The following ITPR2 variants were observed in gnomAD, a reference collection of about 807,000 sequenced individuals.
ITPR2 encodes inositol 1,4,5-trisphosphate-gated calcium channel ITPR2.
In ITPR2, 207 loss-of-function variants were observed where a neutral mutation model predicts 317.1. That is an observed-to-expected ratio of 0.65 (90% confidence interval 0.58 to 0.73). The LOEUF (loss-of-function observed/expected upper bound fraction) is 0.73, where lower values mean the gene tolerates loss of function less well. ITPR2 is among the 30% of genes least tolerant of loss of function. ITPR2 has a pLI of 0.00. For synonymous variants in ITPR2, 1,156 were observed against 1,149.1 expected (o/e 1.01, Z -0.12); for missense variants, 2,613 against 3,284.0 (o/e 0.80, Z 4.99).
rs115915503 is a variant in ITPR2 at position 26,478,554 on chromosome 12, C to T, written c.6124-1547G>A. Among the ~76,000 whole-genome samples the T allele has an allele frequency of 6.5e-3, 988 of 152,078 alleles. 18 individuals are homozygous for T. Among genetic ancestry groups the T allele is most frequent in the African/African-American group, 0.023 (944 of 41,484 alleles). ...CTTAAAAATACATCCAATTTCAGAA[C>T]GCTATTGGCAATATGGTATTTTTTC... is the stretch of plus-strand genomic sequence containing the variant. On this transcript the variant is annotated intron_variant, in intron 43 of 56. Coordinates refer to ENST00000381340, the MANE Select transcript of ITPR2 (RefSeq NM_002223.4).
intron 21 of ITPR2, among the ~76,000 whole-genome samples, chr12:26,652,600 A>G (rs1268903000): frequency 6.6e-6 from 1 of 151,964 alleles, no homozygotes; most frequent in Admixed American, 6.6e-5. Flanking sequence ...TTACAGCTGT[A>G]CCTCTCACTA....
chr12:26,720,552 G>C (rs1043980303), intron 5 of ITPR2, among the ~76,000 whole-genome samples: 1 of 152,148 alleles, frequency 6.6e-6, no homozygotes, highest in African/African-American at 2.4e-5. Flanking sequence ...TAGGGTTGTG[G>C]GTGTGCTTAT....
At chr12:26,687,402 C>A (rs1031647511) in intron 10 of ITPR2, among the ~76,000 whole-genome samples, 2 of 152,080 alleles carry the variant, frequency 1.3e-5, no homozygotes, top group Non-Finnish European at 2.9e-5. Context: ...TTTATTAAAA[C>A]AGGTGAAATC....
chr12:26,636,865 C>T (rs916338285), intron 21 of ITPR2, among the ~76,000 whole-genome samples: 4 of 152,144 alleles, frequency 2.6e-5, no homozygotes, highest in African/African-American at 9.7e-5. Flanking sequence ...GTGGCAGAGT[C>T]TCAAGTACAC....
chr12:26,508,856 G>A (rs1000005391), intron 37 of ITPR2, among the ~76,000 whole-genome samples: 21 of 152,076 alleles, frequency 1.4e-4, no homozygotes, highest in Admixed American at 1.3e-3. Context: ...AAAATTAAAC[G>A]TAGAGTTACC....
intron 45 of ITPR2, among the ~76,000 whole-genome samples, chr12:26,457,567 A>G (rs1404740131): frequency 1.3e-5 from 2 of 152,216 alleles, no homozygotes; most frequent in African/African-American, 4.8e-5. Flanking sequence ...CAGAAGCACG[A>G]AGAGTCAGAA....
chr12:26,563,815 C>A (rs1944879873), intron 34 of ITPR2, among the ~76,000 whole-genome samples: 1 of 152,152 alleles, frequency 6.6e-6, no homozygotes, highest in South Asian at 2.1e-4. Flanking sequence ...GTCATTTATA[C>A]AAGAATTCTA....
At chr12:26,767,911 T>A (rs766685103) in intron 2 of ITPR2, among the ~76,000 whole-genome samples, 2 of 152,232 alleles carry the variant, frequency 1.3e-5, no homozygotes, top group African/African-American at 2.4e-5. Context: ...TCCTGCTTTA[T>A]AAGCTGTGGT....
rs900348841 is a variant in ITPR2, at chr12:26,584,038, G to A, written c.4381-3883C>T. On this transcript the variant is annotated intron_variant, in intron 32 of 56. Transcript: ENST00000381340. ...AGAACAATGAATCAAACAGAACAACGTCCCTACTCTATTAGACCCTTTCTC... is the reference window on the plus strand; with the variant it reads ...AGAACAATGAATCAAACAGAACAACATCCCTACTCTATTAGACCCTTTCTC... 2.0e-5 allele frequency among the ~76,000 whole-genome samples: 3 copies of A among 152,140 alleles called. No individual in the cohort carries two copies. In the East Asian group the frequency reaches 5.8e-4, roughly 29 times the overall value.
rs1422087594 is a variant in ITPR2, at chr12:26,768,294, T to C, written c.163+21863A>G. Among the ~76,000 whole-genome samples the C allele has an allele frequency of 4.0e-5, 6 of 148,554 alleles. No individual in the cohort carries two copies. The East Asian group carries it at 9.9e-4, about 24-fold the overall frequency. On this transcript the variant is annotated intron_variant, in intron 2 of 56. Transcript: ENST00000381340. ...TCGGGGGAAGGGGGAGGGATAGCAGTGGGAGATATACCTAATGATAGATGA... is the reference window on the plus strand; with the variant it reads ...TCGGGGGAAGGGGGAGGGATAGCAGCGGGAGATATACCTAATGATAGATGA...
chr12:26,486,783 G>T, intron 40 of ITPR2: 1 of 601,904 alleles, frequency 1.7e-6, no homozygotes, highest in Non-Finnish European at 3.1e-6. Context: ...CATTTTCATG[G>T]TCACTTAAAA....
At chr12:26,428,130 C>A (rs1321114606) in intron 48 of ITPR2, 42 bp from the exon 49 acceptor site, 1 of 1,415,414 alleles carries the variant, frequency 7.1e-7, no homozygotes, top group South Asian at 1.5e-5. Flanking sequence ...AAGAATAAAA[C>A]TAAAAAATGC....
chr12:26,598,453 A>C (rs1325961658), intron 30 of ITPR2, among the ~76,000 whole-genome samples: 1 of 152,220 alleles, frequency 6.6e-6, no homozygotes, highest in African/African-American at 2.4e-5. Context: ...ATGGGCCACT[A>C]GAGAACCATT....
chr12:26,701,763 T>A (rs1948449988), intron 9 of ITPR2, among the ~76,000 whole-genome samples: 1 of 152,192 alleles, frequency 6.6e-6, no homozygotes, highest in African/African-American at 2.4e-5. Context: ...ATTAATTAAA[T>A]CCACAGGCTA....
intron 37 of ITPR2, among the ~76,000 whole-genome samples, chr12:26,501,835 G>A (rs1437969200): frequency 1.3e-5 from 2 of 152,206 alleles, no homozygotes; most frequent in Non-Finnish European, 2.9e-5. Flanking sequence ...AGCATATGCT[G>A]AAAGAATTTT....
chr12:26,648,041 A>G, intron 21 of ITPR2, among the ~76,000 whole-genome samples: 1 of 152,210 alleles, frequency 6.6e-6, no homozygotes, highest in East Asian at 1.9e-4. Flanking sequence ...TAGGATGAGG[A>G]CAACTTACAA....
chr12:26,439,037 AC>A (rs1941425806), intron 47 of ITPR2, 89 bp downstream of exon 47: 2 of 807,514 alleles, frequency 2.5e-6, no homozygotes, highest in Admixed American at 2.6e-5. Context: ...AATTAAAAAA[AC>A]AATTTAAATG....
chr12:26,703,010 C>T (rs555171917), intron 9 of ITPR2, among the ~76,000 whole-genome samples: 91 of 152,286 alleles, frequency 6.0e-4, no homozygotes, highest in African/African-American at 2.1e-3. Flanking sequence ...TTGGATAGTG[C>T]CCCCTTCACT....
chr12:26,656,933 C>T (rs1373525638), intron 18 of ITPR2, among the ~76,000 whole-genome samples: 1 of 152,220 alleles, frequency 6.6e-6, no homozygotes, highest in Admixed American at 6.5e-5. Flanking sequence ...AGTGTCTACA[C>T]TCCAGGTTTT....
Sources: allele counts gnomAD v4.1 joint callset (sites outside exome capture counted in the v4.1 genomes callset), GRCh38; gene constraint gnomAD v4.1.1; transcripts MANE v1.5; gene names NCBI Gene and HGNC (gene_info 2026-07-23, HGNC 2026-07-21).